SCAPER: variants seen among roughly 807,000 people sequenced by gnomAD.
SCAPER encodes S phase cyclin A-associated protein in the endoplasmic reticulum.
A neutral mutation model predicts 182.2 loss-of-function variants in SCAPER; 98 were observed. The observed-to-expected ratio is 0.54, with a 90% CI of 0.46 to 0.64. SCAPER has a LOEUF of 0.64. Among genes scored for constraint, SCAPER ranks in the 30% least tolerant of loss-of-function variants. SCAPER has a pLI of 0.00. For synonymous variants in SCAPER, 605 were observed against 564.6 expected (o/e 1.07, Z -1.01); for missense variants, 1,432 against 1,690.0 (o/e 0.85, Z 2.68).
At chr15:76,696,062 T>G (rs2058642607) in intron 20 of SCAPER, among the ~76,000 whole-genome samples, 1 of 152,232 alleles carries the variant, frequency 6.6e-6, no homozygotes, top group Non-Finnish European at 1.5e-5. Context: ...ATAAGATGTT[T>G]CATAATGTGA....
intron 26 of SCAPER, among the ~76,000 whole-genome samples, chr15:76,429,960 G>T (rs2046754185): frequency 6.6e-6 from 1 of 152,120 alleles, no homozygotes; most frequent in South Asian, 2.1e-4. Context: ...GCAGGCTCAG[G>T]GCTCCCCTGC....
intron 17 of SCAPER, among the ~76,000 whole-genome samples, chr15:76,723,527 G>A (rs11635113): frequency 0.32 from 47,952 of 151,892 alleles, 7,864 homozygotes; most frequent in East Asian, 0.55. Context: ...TGTTGACAGT[G>A]GGGTGTTAAA....
intron 17 of SCAPER, among the ~76,000 whole-genome samples, chr15:76,721,707 T>G (rs1013522171): frequency 3.3e-5 from 5 of 152,094 alleles, no homozygotes; most frequent in East Asian, 1.9e-4. Context: ...GGGAGTTCAC[T>G]CATGATTTGG....
intron 18 of SCAPER, among the ~76,000 whole-genome samples, chr15:76,703,598 CACCTA>C (rs1168661477): frequency 6.6e-6 from 1 of 152,248 alleles, no homozygotes; most frequent in East Asian, 1.9e-4. Flanking sequence ...AATGGCATCG[CACCTA>C]CCTATCCATT....
chr15:76,815,937 GT>G (rs1224584799), intron 5 of SCAPER, among the ~76,000 whole-genome samples: 6 of 152,182 alleles, frequency 3.9e-5, no homozygotes, highest in African/African-American at 7.2e-5. Flanking sequence ...GTAACACAAT[GT>G]TAAGTATCTG....
intron 20 of SCAPER, among the ~76,000 whole-genome samples, chr15:76,687,807 G>A (rs1313124395): frequency 6.6e-6 from 1 of 152,148 alleles, no homozygotes; most frequent in Non-Finnish European, 1.5e-5. Context: ...TCCATGGTGT[G>A]CATATGCCAC....
intron 5 of SCAPER, among the ~76,000 whole-genome samples, chr15:76,840,056 C>A (rs1014205705): frequency 1.3e-5 from 2 of 152,108 alleles, no homozygotes; most frequent in Admixed American, 1.3e-4. Flanking sequence ...CCAGTAGTGT[C>A]TTCTACCGCA....
chr15:76,798,672 T>G (rs2065517487), intron 7 of SCAPER, among the ~76,000 whole-genome samples: 1 of 152,150 alleles, frequency 6.6e-6, no homozygotes, highest in South Asian at 2.1e-4. Flanking sequence ...AGAGAAGTGA[T>G]GGATCACATT....
At chr15:76,362,051 C>CA (rs2041456403) in intron 29 of SCAPER, among the ~76,000 whole-genome samples, 1 of 151,672 alleles carries the variant, frequency 6.6e-6, no homozygotes, top group Non-Finnish European at 1.5e-5. Flanking sequence ...CTGCTCACTG[C>CA]AACATCCACC....
intron 21 of SCAPER, among the ~76,000 whole-genome samples, chr15:76,625,605 A>G (rs997682521): frequency 6.6e-5 from 10 of 152,166 alleles, no homozygotes; most frequent in African/African-American, 2.4e-4. Context: ...TAGCTCTGGT[A>G]GGAGGCAGAC....
At chr15:76,864,845 TATTACTTGTC>T (rs1488114460) in intron 2 of SCAPER, among the ~76,000 whole-genome samples, 1 of 152,182 alleles carries the variant, frequency 6.6e-6, no homozygotes, top group East Asian at 1.9e-4. Flanking sequence ...AACAGACACA[TATTACTTGTC>T]ATTTTGAAAT....
intron 24 of SCAPER, among the ~76,000 whole-genome samples, chr15:76,501,041 TA>T (rs749711298): frequency 0.088 from 11,948 of 136,126 alleles, 480 homozygotes; most frequent in Middle Eastern, 0.12. Context: ...AAACCCTGTC[TA>T]AAAAAAAAAA....
At chr15:76,468,745 C>T (rs1170016242) in intron 25 of SCAPER, among the ~76,000 whole-genome samples, 45 of 152,028 alleles carry the variant, frequency 3.0e-4, no homozygotes, top group Non-Finnish European at 2.9e-5. Flanking sequence ...ATGCTGTGTC[C>T]CTCCTAAATT....
chr15:76,478,304 G>A (rs2050823053), intron 24 of SCAPER, among the ~76,000 whole-genome samples: 1 of 151,872 alleles, frequency 6.6e-6, no homozygotes, highest in African/African-American at 2.4e-5. Context: ...TTATAAATAT[G>A]ACAAATGGTT....
intron 3 of SCAPER, among the ~76,000 whole-genome samples, chr15:76,858,632 A>C (rs1490782063): frequency 5.3e-5 from 8 of 152,086 alleles, no homozygotes; most frequent in Non-Finnish European, 1.0e-4. Flanking sequence ...CTCTACCCTC[A>C]AGTAGGCCCT....
At chr15:76,492,748 A>T (rs548665400) in intron 24 of SCAPER, among the ~76,000 whole-genome samples, 1 of 152,306 alleles carries the variant, frequency 6.6e-6, no homozygotes, top group African/African-American at 2.4e-5. Context: ...CTCAGCAAAA[A>T]ACCTGGGGAC....
rs371460520 is a variant in SCAPER at position 76,573,224 on chromosome 15, C to G, written c.2838+934G>C. ...CACCTTTAATTCTGTACAGTATTCC[C>G]TTTAAAGGAATCATGAATGTGGTAA... On this transcript the variant is annotated intron_variant, in intron 23 of 31. Transcript: ENST00000563290. 3.2e-4 allele frequency among the ~76,000 whole-genome samples: 48 copies of G among 152,146 alleles called. 2 individuals are homozygous for G. In the South Asian group the frequency reaches 9.6e-3, roughly 30 times the overall value.
intron 5 of SCAPER, among the ~76,000 whole-genome samples, chr15:76,841,521 C>A (rs1034910677): frequency 6.6e-5 from 10 of 152,030 alleles, no homozygotes; most frequent in African/African-American, 1.9e-4. Flanking sequence ...GTGGCATGTG[C>A]CTGTAATCCC....
At chr15:76,633,478 A>G (rs991555945) in intron 21 of SCAPER, among the ~76,000 whole-genome samples, 6 of 152,168 alleles carry the variant, frequency 3.9e-5, no homozygotes, top group Admixed American at 3.3e-4. Context: ...ATTAGGGGGA[A>G]TCCCCCTCAT....
Sources: allele counts gnomAD v4.1 joint callset (sites outside exome capture counted in the v4.1 genomes callset), GRCh38; gene constraint gnomAD v4.1.1; transcripts MANE v1.5; gene names NCBI Gene and HGNC (gene_info 2026-07-23, HGNC 2026-07-21).